GON4L: variants seen among roughly 807,000 people sequenced by gnomAD.
GON4L encodes the protein gon-4 like, also known as GON-4-like protein.
In GON4L, 87 loss-of-function variants were observed where a neutral mutation model predicts 211.8. That is an observed-to-expected ratio of 0.41 (90% CI 0.35 to 0.49). The LOEUF is 0.49. Among genes scored for constraint, GON4L ranks in the 20% least tolerant of loss-of-function variants. GON4L has a pLI of 0.15. For synonymous variants in GON4L, 875 were observed against 962.6 expected, an observed-to-expected ratio of 0.91 and a Z score of 1.68; for missense variants, 2,155 against 2,659.5, an observed-to-expected ratio of 0.81 and a Z score of 4.17.
rs1660682075 is a variant in GON4L at position 155,752,254 on chromosome 1, C to G, written c.6179G>C (p.Arg2060Thr). The G allele has an allele frequency of 6.2e-7, 1 of 1,605,538 alleles. No homozygotes were observed. Among genetic ancestry groups the G allele is most frequent in the East Asian group, 2.2e-5 (1 of 44,824 alleles). The change falls in exon 30 of 32, where the codon AGA becomes ACA. Residue 2060 changes from arginine to threonine, a missense_variant. This residue lies in a region of GON4L where 186 missense variants were observed against 308.1 expected (regional missense o/e 0.60). Transcript: ENST00000368331. ...GGACACATGTCTTCTCCCTGCATCT[C>G]TGGTCTTTGAGGAAACAGGACTCAG... is the stretch of plus-strand genomic sequence containing the variant. ...SFLSPVSSKT[R>T]DAGRRHVSGK... is the part of the protein sequence containing the mutation.
rs148689993 is a variant in GON4L, at chr1:155,778,153, T to A, written c.1893-333A>T. On this transcript the variant is annotated intron_variant, in intron 14 of 31. Coordinates refer to ENST00000368331, the MANE Select transcript of GON4L (RefSeq NM_001282860.2). ...CCAAGGAGCTGGTGGGAACTCATCATTCTCATTTCTTCTCTCATTTACTTG... is the reference window on the plus strand; with the variant it reads ...CCAAGGAGCTGGTGGGAACTCATCAATCTCATTTCTTCTCTCATTTACTTG... Among the ~76,000 whole-genome samples, 17 of 152,048 alleles carry A rather than the reference T, an allele frequency of 1.1e-4. No homozygotes were observed. In the East Asian group the frequency reaches 2.9e-3, roughly 26 times the overall value.
intron 2 of GON4L, among the ~76,000 whole-genome samples, chr1:155,834,363 A>G (rs1294967160): frequency 6.6e-6 from 1 of 152,044 alleles, no homozygotes; most frequent in Non-Finnish European, 1.5e-5. Flanking sequence ...TTCTTCCTCA[A>G]GGCAAGGTTG....
chr1:155,809,451 A>G (rs1190845577), intron 10 of GON4L, among the ~76,000 whole-genome samples: 3 of 150,724 alleles, frequency 2.0e-5, no homozygotes, highest in Non-Finnish European at 4.4e-5. Context: ...TGCTCCTACT[A>G]CTACATACTC....
intron 2 of GON4L, among the ~76,000 whole-genome samples, chr1:155,840,802 G>A (rs922846471): frequency 1.3e-5 from 2 of 152,222 alleles, no homozygotes; most frequent in Non-Finnish European, 2.9e-5. Context: ...GGAGGCTGAG[G>A]TGGGTGGATC....
At position 155,752,059 on chromosome 1, in the gene GON4L, C is replaced by A. The variant is rs748644114; in HGVS notation, c.6374G>T (p.Gly2125Val). The change falls in exon 30 of 32, where the codon GGT becomes GTT. Residue 2125 changes from glycine (G) to valine (V), a missense_variant. Physicochemically the swap from Gly to Val is moderately radical, Grantham distance 109. Coordinates refer to ENST00000368331, the MANE Select transcript of GON4L (RefSeq NM_001282860.2). The stretch of plus-strand genomic sequence containing the variant: ...CTTTGGCTGCTGCTCCCCCTCTGGA[C>A]CCTTGGCCTGTGTTCCACTGTCTTT... ...LAKDSGTQAK[G>V]PEGEQQPKAA... is the part of the protein sequence containing the mutation. 9.3e-6 allele frequency: 15 copies of A among 1,613,676 alleles called. No individual in the cohort carries two copies. The highest frequency in any genetic ancestry group is 1.1e-5 in the Non-Finnish European group (13 of 1,179,736).
In GON4L at chr1:155,790,452, A is replaced by G. The variant is rs1352195691; in HGVS notation, c.1747+4598T>C. 2.0e-5 allele frequency among the ~76,000 whole-genome samples: 3 copies of G among 148,958 alleles called. No individual in the cohort carries two copies. In the East Asian group the frequency reaches 6.0e-4, roughly 30 times the overall value. On this transcript the variant is annotated intron_variant, in intron 12 of 31. Coordinates refer to ENST00000368331, the MANE Select transcript of GON4L (RefSeq NM_001282860.2). ...GAGATGGAATCTCAGTATGTCGCCC[A>G]GCCGATCTCAAACTCCTGTGCTCAA...
intron 17 of GON4L, among the ~76,000 whole-genome samples, chr1:155,774,644 T>C (rs748620679): frequency 6.6e-6 from 1 of 152,124 alleles, no homozygotes; most frequent in East Asian, 1.9e-4. Flanking sequence ...AAGCTAAACA[T>C]GACCAAACTT....
downstream of GON4L, chr1:155,746,958 T>G: frequency 2.5e-6 from 4 of 1,602,054 alleles, no homozygotes; most frequent in Non-Finnish European, 3.4e-6. Context: ...TTTAATCATT[T>G]TAAATGTCTT....
chr1:155,813,449 C>CA (rs889260526), intron 10 of GON4L, among the ~76,000 whole-genome samples, 185 bp downstream of exon 10: 6 of 151,404 alleles, frequency 4.0e-5, no homozygotes, highest in African/African-American at 1.5e-4. Context: ...AACAAACAAA[C>CA]AAAAAAAACC....
chr1:155,809,787 T>C (rs1667522103), intron 10 of GON4L, among the ~76,000 whole-genome samples: 1 of 59,756 alleles, frequency 1.7e-5, no homozygotes, highest in Non-Finnish European at 3.2e-5. Flanking sequence ...ATAAATTATA[T>C]ACTTATATAT....
At chr1:155,801,881 G>A (rs1361003248) in intron 11 of GON4L, among the ~76,000 whole-genome samples, 7 of 150,968 alleles carry the variant, frequency 4.6e-5, no homozygotes, top group African/African-American at 9.7e-5. Context: ...AGACTCTGTC[G>A]AAGAAAAAAA....
chr1:155,746,617 A>G (rs1660258506), downstream of GON4L: 1 of 550,084 alleles, frequency 1.8e-6, no homozygotes, highest in Non-Finnish European at 3.0e-6. Flanking sequence ...ATTTCTGTAC[A>G]GGTAGTTTGA....
At chr1:155,858,636 G>GTT (rs60054192), upstream of GON4L, among the ~76,000 whole-genome samples, 30,456 of 107,668 alleles carry the variant, frequency 0.28, 4,433 homozygotes, top group East Asian at 0.67. Flanking sequence ...TTCATTAGTT[G>GTT]TTTTTTTTTT....
chr1:155,821,646 T>C (rs1247638751), intron 4 of GON4L, 98 bp from the exon 5 acceptor site: 9 of 763,848 alleles, frequency 1.2e-5, no homozygotes, highest in Non-Finnish European at 1.2e-5. Flanking sequence ...ACAGGACAAA[T>C]GAGAACCATA....
At chr1:155,828,420 G>A (rs1669421108) in intron 2 of GON4L, among the ~76,000 whole-genome samples, 1 of 151,558 alleles carries the variant, frequency 6.6e-6, no homozygotes, top group South Asian at 2.1e-4. Context: ...GAACCTGGCA[G>A]GCAGAGGTTG....
chr1:155,781,123 T>TTTA (rs936106490), intron 14 of GON4L, among the ~76,000 whole-genome samples: 94 of 151,462 alleles, frequency 6.2e-4, no homozygotes, highest in Non-Finnish European at 9.7e-4. Context: ...AGTTGTATTT[T>TTTA]TTATTATTAT....
At chr1:155,811,174 T>C (rs2481623) in intron 10 of GON4L, among the ~76,000 whole-genome samples, 142,161 of 151,878 alleles carry the variant, frequency 0.94, 67,290 homozygotes, top group East Asian at 1. Flanking sequence ...AAGTGGATCA[T>C]GAGGTCAGGA....
intron 2 of GON4L, among the ~76,000 whole-genome samples, chr1:155,832,140 T>C (rs1345494331): frequency 6.6e-6 from 1 of 151,272 alleles, no homozygotes; most frequent in African/African-American, 2.4e-5. Flanking sequence ...CCAGGCGCAG[T>C]GGCACATGCC....
intron 2 of GON4L, among the ~76,000 whole-genome samples, chr1:155,840,557 C>T (rs1211207573): frequency 6.6e-6 from 1 of 152,118 alleles, no homozygotes; most frequent in Non-Finnish European, 1.5e-5. Context: ...ATTACCACTG[C>T]CAGCCCTTTA....
Sources: allele counts gnomAD v4.1 joint callset (sites outside exome capture counted in the v4.1 genomes callset), GRCh38; gene constraint gnomAD v4.1.1; regional missense constraint gnomAD v4.1.1; transcripts MANE v1.5; gene names NCBI Gene and HGNC (gene_info 2026-07-23, HGNC 2026-07-21).